ELSPBP1: variants seen among roughly 807,000 people sequenced by gnomAD.
ELSPBP1 encodes the protein epididymal sperm binding protein 1, also known as epididymal sperm-binding protein 1.
Under a neutral mutation model 33.3 loss-of-function variants are expected in ELSPBP1, and 38 were observed. That is an observed-to-expected ratio of 1.14 (90% CI 0.88 to 1.50). The LOEUF is 1.50. ELSPBP1 is among the 40% of genes most tolerant of loss of function. The probability of loss-of-function intolerance (pLI) is 0.00; values close to 1 mark genes in which losing one functional copy is unlikely to be tolerated. For missense variants in ELSPBP1, 267 were observed against 263.5 expected, an observed-to-expected ratio of 1.01 and a Z score of -0.09; for synonymous variants, 85 against 94.1, an observed-to-expected ratio of 0.90 and a Z score of 0.56.
chr19:48,013,111 G>GAT (rs1486659703), intron 2 of ELSPBP1, among the ~76,000 whole-genome samples: 2 of 152,158 alleles, frequency 1.3e-5, no homozygotes, highest in African/African-American at 4.8e-5. Flanking sequence ...ACTGGAAAAT[G>GAT]ATTTTTTTCT....
intron 6 of ELSPBP1, among the ~76,000 whole-genome samples, chr19:48,024,016 G>GT (rs753248451): frequency 6.6e-6 from 1 of 150,492 alleles, no homozygotes; most frequent in Non-Finnish European, 1.5e-5. Context: ...GATTACAGGG[G>GT]TGTGCCACCA....
Position 48,009,279 on chromosome 19 carries a change from C to T in ELSPBP1, c.70+542C>T, listed in dbSNP as rs577567836. Among the ~76,000 whole-genome samples the T allele has an allele frequency of 3.9e-5, 6 of 152,234 alleles. No individual in the cohort carries two copies. The South Asian group carries it at 1.2e-3, about 32-fold the overall frequency. On this transcript the variant is annotated intron_variant, in intron 2 of 6. Transcript: ENST00000339841. ...AAAAGAGAAGTAACGGCATTTATCT[C>T]ACGGGGTTATTTTGAAGATCAAATA... is the stretch of plus-strand genomic sequence containing the variant.
chr19:48,016,195 G>A (rs978482141), intron 4 of ELSPBP1, among the ~76,000 whole-genome samples, 156 bp downstream of exon 4: 3 of 152,148 alleles, frequency 2.0e-5, no homozygotes, highest in Non-Finnish European at 4.4e-5. Context: ...CTATGACAAC[G>A]ACAGACAGGG....
chr19:48,016,163 A>T, intron 4 of ELSPBP1, 124 bp downstream of exon 4: 1 of 1,163,064 alleles, frequency 8.6e-7, no homozygotes, highest in Non-Finnish European at 1.2e-6. Flanking sequence ...TACAGGAGCC[A>T]AGTGTCTGCT....
intron 1 of ELSPBP1, among the ~76,000 whole-genome samples, chr19:47,999,893 G>A (rs1966950082): frequency 6.6e-6 from 1 of 151,304 alleles, no homozygotes; most frequent in Non-Finnish European, 1.5e-5. Flanking sequence ...TGCAATCATA[G>A]CTCACTGCAG....
At chr19:48,002,155 G>A (rs1485182528) in intron 1 of ELSPBP1, among the ~76,000 whole-genome samples, 1 of 152,142 alleles carries the variant, frequency 6.6e-6, no homozygotes, top group Non-Finnish European at 1.5e-5. Flanking sequence ...CCCTTCCACT[G>A]TGCGGATGAG....
At chr19:48,019,171 G>A (rs899883382) in intron 4 of ELSPBP1, among the ~76,000 whole-genome samples, 4 of 151,916 alleles carry the variant, frequency 2.6e-5, no homozygotes, top group East Asian at 1.9e-4. Context: ...AAAAAATAAC[G>A]TCTCGAAGTG....
chr19:48,008,633 T>C lies in ELSPBP1; in HGVS notation c.-17-18T>C. The C allele has an allele frequency of 2.5e-6, 4 of 1,600,474 alleles. No homozygotes were observed. The highest frequency in any genetic ancestry group is 3.4e-6 in the Non-Finnish European group (4 of 1,168,950). On this transcript the variant is annotated intron_variant, in intron 1 of 6. Transcript: ENST00000339841. Reference sequence around the variant, plus strand: ...AAGGGGACGTGTGGGATGAAAATTTTTGTCTTCTTTTCCACAGAGAAGAGG... The same window carrying C: ...AAGGGGACGTGTGGGATGAAAATTTCTGTCTTCTTTTCCACAGAGAAGAGG...
chr19:48,019,920 T>A (rs1427143225), intron 5 of ELSPBP1, 43 bp downstream of exon 5: 4 of 1,586,418 alleles, frequency 2.5e-6, no homozygotes, highest in Non-Finnish European at 3.4e-6. Flanking sequence ...GTGGAGTCTT[T>A]CTTTCATTTG....
rs1335208116 is a variant in ELSPBP1 at position 47,997,536 on chromosome 19, CACA to C, written c.-18+2730_-18+2732del. Among the ~76,000 whole-genome samples the C allele has an allele frequency of 9.9e-5, 15 of 152,174 alleles. No individual in the cohort carries two copies. The South Asian group carries it at 2.1e-3, about 21-fold the overall frequency. ...CTGTTTCTAAAATGTTTTATTGATA[CACA>C]ACAATTGTATATATTTATTGAGGTA... On this transcript the variant is annotated intron_variant, in intron 1 of 6. Transcript: ENST00000339841.
In ELSPBP1 at chr19:48,011,797, A is replaced by T. The variant is rs62129074; in HGVS notation, c.71-2374A>T. On this transcript the variant is annotated intron_variant, in intron 2 of 6. Transcript: ENST00000339841. This position sits in a 1 kb window ranked among gnomAD's most constrained non-coding sequence, Gnocchi z 4.5. ...GATGGTAATGATGATGATGATGACA[A>T]TGATAATCATAGCTAATATTTATTA... Among the ~76,000 whole-genome samples, 1 of 152,004 alleles carries T rather than the reference A, an allele frequency of 6.6e-6. No homozygotes were observed. Among genetic ancestry groups the T allele is most frequent in the Non-Finnish European group, 1.5e-5 (1 of 67,970 alleles).
intron 1 of ELSPBP1, among the ~76,000 whole-genome samples, chr19:47,999,313 T>G (rs1966943593): frequency 6.6e-6 from 1 of 152,016 alleles, no homozygotes; most frequent in African/African-American, 2.4e-5. Context: ...ACAAGCACAT[T>G]CACAATGTTG....
chr19:48,008,642 T>C lies in ELSPBP1; in HGVS notation c.-17-9T>C. Reference sequence around the variant, plus strand: ...TGTGGGATGAAAATTTTTGTCTTCTTTTCCACAGAGAAGAGGGCAGCCAAG... The same window carrying C: ...TGTGGGATGAAAATTTTTGTCTTCTCTTCCACAGAGAAGAGGGCAGCCAAG... On this transcript the variant is annotated splice_polypyrimidine_tract_variant and intron_variant, in intron 1 of 6. Transcript: ENST00000339841. The C allele has an allele frequency of 6.2e-7, 1 of 1,611,458 alleles. No homozygotes were observed. Among genetic ancestry groups the C allele is most frequent in the Non-Finnish European group, 8.5e-7 (1 of 1,178,324 alleles).
intron 2 of ELSPBP1, among the ~76,000 whole-genome samples, chr19:48,009,586 G>A (rs1354243358): frequency 6.6e-6 from 1 of 152,098 alleles, no homozygotes; most frequent in Non-Finnish European, 1.5e-5. Context: ...CTCTGGATAA[G>A]GCTCAGGAAC....
intron 1 of ELSPBP1, among the ~76,000 whole-genome samples, chr19:47,995,086 T>C (rs1966901036): frequency 6.6e-6 from 1 of 152,228 alleles, no homozygotes; most frequent in Non-Finnish European, 1.5e-5. Flanking sequence ...TTACATTTTT[T>C]CCCTATACTT....
intron 6 of ELSPBP1, among the ~76,000 whole-genome samples, chr19:48,023,343 AGG>A (rs1967224590): frequency 8.0e-6 from 1 of 125,694 alleles, no homozygotes; most frequent in South Asian, 3.1e-4. Flanking sequence ...GAAGGGAGGG[AGG>A]AAGGAAAGAA....
intron 2 of ELSPBP1, among the ~76,000 whole-genome samples, chr19:48,013,838 C>T (rs907171555): frequency 2.0e-5 from 3 of 152,122 alleles, no homozygotes; most frequent in East Asian, 3.9e-4. Context: ...AAGTCACCAG[C>T]AGTTTCAGTT....
At chr19:48,010,071 AT>A (rs1286742917) in intron 2 of ELSPBP1, among the ~76,000 whole-genome samples, 1 of 152,168 alleles carries the variant, frequency 6.6e-6, no homozygotes, top group Non-Finnish European at 1.5e-5. Context: ...CAAAACTGAT[AT>A]GGCTCTTAAC....
intron 6 of ELSPBP1, 84 bp from the exon 7 acceptor site, chr19:48,024,868 T>C (rs73567252): frequency 0.08 from 12,209 of 152,250 alleles, 1,329 homozygotes; most frequent in African/African-American, 0.25. Context: ...GGAAAACCAA[T>C]ACAAAGTCAT....
Sources: gnomAD v4.1 joint callset for allele counts (sites outside exome capture counted in the v4.1 genomes callset) on GRCh38, gnomAD v4.1.1 for gene constraint, Gnocchi (gnomAD v3.1) non-coding constraint, MANE v1.5 for transcripts, NCBI Gene and HGNC (gene_info 2026-07-23, HGNC 2026-07-21) for gene names.